NMNAT2: variants seen among roughly 807,000 people sequenced by gnomAD.
NMNAT2 encodes the protein nicotinamide nucleotide adenylyltransferase 2.
NMNAT2 carries 11 observed loss-of-function variants against 41.6 expected under a neutral mutation model. The observed-to-expected ratio is 0.26, with a 90% CI of 0.17 to 0.44. The LOEUF is 0.44. Ranked by LOEUF, NMNAT2 falls within the 20% of genes least tolerant of loss-of-function variation. NMNAT2 has a pLI of 1.00. For missense variants in NMNAT2, 288 were observed against 407.7 expected (o/e 0.71, Z 2.53); for synonymous variants, 148 against 151.2 (o/e 0.98, Z 0.16).
chr1:183,409,998 G>A (rs1160120313), intron 1 of NMNAT2, among the ~76,000 whole-genome samples: 1 of 152,022 alleles, frequency 6.6e-6, no homozygotes, highest in Non-Finnish European at 1.5e-5. Context: ...AATGTACAAT[G>A]GTTCCATTTC....
intron 1 of NMNAT2, among the ~76,000 whole-genome samples, chr1:183,407,600 C>T (rs1648995058): frequency 6.6e-6 from 1 of 152,126 alleles, no homozygotes; most frequent in Non-Finnish European, 1.5e-5. Flanking sequence ...AACCATATGA[C>T]CTTGGCTAGA....
chr1:183,392,843 C>T (rs921635480), intron 1 of NMNAT2, among the ~76,000 whole-genome samples: 5 of 152,222 alleles, frequency 3.3e-5, no homozygotes, highest in African/African-American at 1.2e-4. Context: ...TCACCTTTTG[C>T]AATTGCAATC....
intron 8 of NMNAT2, among the ~76,000 whole-genome samples, chr1:183,274,404 C>T (rs528368675): frequency 1.8e-4 from 27 of 152,136 alleles, no homozygotes; most frequent in Non-Finnish European, 3.5e-4. Context: ...CTCTGCCTCC[C>T]GGGTTCAAGC....
intron 1 of NMNAT2, among the ~76,000 whole-genome samples, chr1:183,307,957 C>T (rs1442351041): frequency 6.6e-6 from 1 of 152,132 alleles, no homozygotes; most frequent in Non-Finnish European, 1.5e-5. Flanking sequence ...CAGATTTCGA[C>T]GGACTTTAGT....
intron 1 of NMNAT2, among the ~76,000 whole-genome samples, chr1:183,337,777 C>T (rs1357623335): frequency 6.6e-6 from 1 of 152,030 alleles, no homozygotes; most frequent in African/African-American, 2.4e-5. Flanking sequence ...ACTTTCCATC[C>T]ATTTGCACTT....
chr1:183,311,749 A>G (rs1662126214), intron 1 of NMNAT2, among the ~76,000 whole-genome samples: 2 of 151,630 alleles, frequency 1.3e-5, no homozygotes, highest in South Asian at 4.2e-4. Context: ...ACACACACAC[A>G]CACACACACA....
chr1:183,331,023 CT>C (rs1394841363), intron 1 of NMNAT2, among the ~76,000 whole-genome samples: 1 of 152,016 alleles, frequency 6.6e-6, no homozygotes, highest in Admixed American at 6.6e-5. Flanking sequence ...TCTCCCCTCC[CT>C]TTTTCCCACC....
At chr1:183,407,302 G>C (rs1648984447) in intron 1 of NMNAT2, among the ~76,000 whole-genome samples, 1 of 152,182 alleles carries the variant, frequency 6.6e-6, no homozygotes, top group African/African-American at 2.4e-5. Context: ...AGAAGCATGA[G>C]CTTTTCTATA....
At chr1:183,404,706 A>G (rs3120799) in intron 1 of NMNAT2, among the ~76,000 whole-genome samples, 104,652 of 152,076 alleles carry the variant, frequency 0.69, 36,263 homozygotes, top group East Asian at 0.91. Context: ...GTGCTTTACA[A>G]GCAATGCTTT....
chr1:183,379,047 A>AATATCTGTATCT (rs1663739445), intron 1 of NMNAT2, among the ~76,000 whole-genome samples: 1 of 139,762 alleles, frequency 7.2e-6, no homozygotes, highest in Admixed American at 7.2e-5. Flanking sequence ...TGTCTCAAAA[A>AATATCTGTATCT]ATATCTATAT....
chr1:183,342,151 T>C (rs1169770890), intron 1 of NMNAT2, among the ~76,000 whole-genome samples: 2 of 151,566 alleles, frequency 1.3e-5, no homozygotes, highest in Non-Finnish European at 2.9e-5. Context: ...AAAGTCTCCA[T>C]AGTGCTGGCT....
In NMNAT2 at chr1:183,249,005, T is replaced by C. The variant is rs200379061; in HGVS notation, c.*3636A>G. ...CCCTGTAATTCTCTGCCTTTTGCTG[T>C]AGTTCAGTTATTATTGAGTCTCACT... is the stretch of plus-strand genomic sequence containing the variant. On this transcript the variant is annotated 3_prime_UTR_variant, in exon 11 of 11. Transcript: ENST00000287713. 7 of 152,172 alleles carry C rather than the reference T, an allele frequency of 4.6e-5. 1 individual carries two copies. The South Asian group carries it at 1.5e-3, about 32-fold the overall frequency. 9.4% of individuals were successfully genotyped at this position (152,172 alleles called of 1,614,324 possible).
chr1:183,323,282 C>G (rs1179832614), intron 1 of NMNAT2, among the ~76,000 whole-genome samples: 1 of 152,178 alleles, frequency 6.6e-6, no homozygotes, highest in Non-Finnish European at 1.5e-5. Context: ...ACCACTTCCT[C>G]CCTCCCTGCA....
intron 1 of NMNAT2, among the ~76,000 whole-genome samples, chr1:183,379,458 G>A (rs1215691651): frequency 6.6e-6 from 1 of 152,002 alleles, no homozygotes; most frequent in Non-Finnish European, 1.5e-5. Context: ...TGACATTATA[G>A]GTATGAGCCA....
chr1:183,332,814 C>T (rs961631509), intron 1 of NMNAT2, among the ~76,000 whole-genome samples: 1 of 152,214 alleles, frequency 6.6e-6, no homozygotes, highest in African/African-American at 2.4e-5. Flanking sequence ...AGGGGAAATT[C>T]TCAGCCTCGC....
At chr1:183,339,501 G>A (rs1028499996) in intron 1 of NMNAT2, among the ~76,000 whole-genome samples, 22 of 152,050 alleles carry the variant, frequency 1.4e-4, no homozygotes, top group Admixed American at 6.6e-5. Flanking sequence ...CAACAGCATC[G>A]GAAGCCCAGT....
intron 8 of NMNAT2, among the ~76,000 whole-genome samples, chr1:183,272,675 G>T (rs1000139221): frequency 3.3e-5 from 5 of 152,222 alleles, no homozygotes; most frequent in African/African-American, 9.6e-5. Context: ...TGACTCAGTA[G>T]AGAGTGTGTG....
chr1:183,343,258 A>G (rs1456662800), intron 1 of NMNAT2, among the ~76,000 whole-genome samples: 1 of 152,018 alleles, frequency 6.6e-6, no homozygotes, highest in Non-Finnish European at 1.5e-5. Context: ...CTCCTTCCCC[A>G]CTACTACTCA....
rs1661185442 is a variant in NMNAT2, at chr1:183,278,574, T to G, written c.630A>C (p.Pro210=). ...TCACATCTGCCTCGTTCCAGAGCCC[T>G]GGGATGCAGAAGGACTCCAGCAGGT... is the stretch of plus-strand genomic sequence containing the variant. ...GSDLLESFCI[P]GLWNEADMEV... The change falls in exon 8 of 11, where the codon CCA becomes CCC. Residue 210 remains proline, a synonymous_variant. Transcript: ENST00000287713. The G allele has an allele frequency of 6.2e-7, 1 of 1,613,424 alleles. No homozygotes were observed. The highest frequency in any genetic ancestry group is 2.2e-5 in the East Asian group (1 of 44,870).
Sources: allele counts gnomAD v4.1 joint callset (sites outside exome capture counted in the v4.1 genomes callset), GRCh38; gene constraint gnomAD v4.1.1; transcripts MANE v1.5; gene names NCBI Gene and HGNC (gene_info 2026-07-23, HGNC 2026-07-21).